Variants in FUT8 observed in about 807,000 individuals in gnomAD.
FUT8 encodes the protein fucosyltransferase 8, also known as alpha-(1,6)-fucosyltransferase.
In FUT8, 29 loss-of-function variants were observed where a neutral mutation model predicts 71.3. The ratio of observed to expected loss-of-function variants is 0.41; its 90% CI spans 0.30 to 0.55. The LOEUF (loss-of-function observed/expected upper bound fraction) is 0.55. FUT8 is among the 20% of genes least tolerant of loss of function. The pLI is 0.34. For synonymous variants in FUT8, 254 were observed against 239.3 expected (o/e 1.06, Z -0.57); for missense variants, 544 against 702.1 (o/e 0.77, Z 2.55).
At chr14:65,422,481 C>T (rs940564567) in intron 1 of FUT8, among the ~76,000 whole-genome samples, 6 of 151,960 alleles carry the variant, frequency 3.9e-5, no homozygotes, top group Middle Eastern at 3.4e-3. Flanking sequence ...CTTGTTTAGG[C>T]GGATATTCTT....
chr14:65,396,756 G>T, the FUT8 span, among the ~76,000 whole-genome samples: 341 of 152,268 alleles, frequency 2.2e-3, 4 homozygotes, highest in African/African-American at 7.9e-3. The surrounding 1 kb of genome is among the most constrained non-coding windows in gnomAD (Gnocchi z 5.5). Context: ...ACTAAATCAG[G>T]GGCTGGATTT....
chr14:65,529,900 A>T (rs933603627), intron 2 of FUT8, among the ~76,000 whole-genome samples: 22 of 152,096 alleles, frequency 1.4e-4, no homozygotes, highest in Admixed American at 4.6e-4. Flanking sequence ...CCAAGGATTC[A>T]TTGAGGACTC....
chr14:65,634,847 G>GT (rs1890456729), intron 6 of FUT8, among the ~76,000 whole-genome samples: 2 of 152,080 alleles, frequency 1.3e-5, no homozygotes, highest in Admixed American at 6.5e-5. Context: ...TTTTAGAATT[G>GT]TTTTTTCTAA....
chr14:65,633,769 A>G (rs1282413330), intron 6 of FUT8, among the ~76,000 whole-genome samples: 1 of 150,782 alleles, frequency 6.6e-6, no homozygotes, highest in Non-Finnish European at 1.5e-5. Context: ...AGAAGTGAGG[A>G]GCCCCTCCGC....
In FUT8 at chr14:65,604,295, T is replaced by A. The variant is rs1056903828; in HGVS notation, c.204-11683T>A. On this transcript the variant is annotated intron_variant, in intron 3 of 10. Coordinates refer to ENST00000673929, the MANE Select transcript of FUT8 (RefSeq NM_001371533.1). ...AACATTCTACCCAGCAACCACAGAG[T>A]ATACATTCTATTCATCAGCGCATGG... is the stretch of plus-strand genomic sequence containing the variant. 2.0e-5 allele frequency among the ~76,000 whole-genome samples: 3 copies of A among 151,860 alleles called. No homozygotes were observed. The South Asian group carries it at 6.3e-4, about 32-fold the overall frequency.
chr14:65,359,306 C>A, the FUT8 span, among the ~76,000 whole-genome samples: 1 of 152,304 alleles, frequency 6.6e-6, no homozygotes, highest in African/African-American at 2.4e-5. Flanking sequence ...AAACAAGGCA[C>A]ATTCATTTTC....
chr14:65,709,666 C>T (rs1317883782), intron 7 of FUT8, among the ~76,000 whole-genome samples: 2 of 152,082 alleles, frequency 1.3e-5, no homozygotes, highest in African/African-American at 2.4e-5. Context: ...GAAATTAATT[C>T]CCTTAGAATG....
intron 1 of FUT8, among the ~76,000 whole-genome samples, chr14:65,439,955 T>TGTAC (rs1555360997): frequency 0.017 from 250 of 15,074 alleles, 14 homozygotes; most frequent in Middle Eastern, 0.031. Flanking sequence ...TGTGTGTGTG[T>TGTAC]ATATATATAT....
At chr14:65,498,727 G>A (rs923329100) in intron 2 of FUT8, among the ~76,000 whole-genome samples, 8 of 152,122 alleles carry the variant, frequency 5.3e-5, no homozygotes, top group African/African-American at 1.4e-4. Context: ...GTCTCTGTCT[G>A]ACTTCTCCTT....
At chr14:65,730,423 C>T (rs1160153485) in intron 9 of FUT8, among the ~76,000 whole-genome samples, 1 of 152,178 alleles carries the variant, frequency 6.6e-6, no homozygotes. Flanking sequence ...ATTGTAATCC[C>T]AGCACTTTGG....
chr14:65,469,655 T>C (rs1000380247), intron 2 of FUT8, among the ~76,000 whole-genome samples: 4 of 152,168 alleles, frequency 2.6e-5, no homozygotes, highest in African/African-American at 9.7e-5. Context: ...AGGCAGGTTG[T>C]CTCATCCAGT....
the FUT8 span, among the ~76,000 whole-genome samples, chr14:65,366,694 G>A: frequency 3.9e-5 from 6 of 152,096 alleles, no homozygotes; most frequent in Admixed American, 2.6e-4. Context: ...CTATAGTGTC[G>A]TATCTTAGAG....
chr14:65,682,496 C>G (rs1266094539), intron 7 of FUT8, among the ~76,000 whole-genome samples: 1 of 151,240 alleles, frequency 6.6e-6, no homozygotes, highest in Non-Finnish European at 1.5e-5. Flanking sequence ...CAGAGCAAGA[C>G]CATGTCTCAG....
Position 65,742,386 on chromosome 14 carries a change from C to T in FUT8, c.1704C>T (p.Pro568=). 1 of 1,611,942 alleles carries T rather than the reference C, an allele frequency of 6.2e-7. No individual in the cohort carries two copies. Among genetic ancestry groups the T allele is most frequent in the African/African-American group, 1.3e-5 (1 of 74,854 alleles). ...AGAAGATAGAAACGGTCAAGTACCCCACATATCCTGAGGCTGAGAAATAAA... is the reference window on the plus strand; with the variant it reads ...AGAAGATAGAAACGGTCAAGTACCCTACATATCCTGAGGCTGAGAAATAAA... ...VREKIETVKY[P]TYPEAEK is the part of the protein sequence containing the mutation. Residue 568 remains proline (P), a synonymous_variant, in exon 11 of 11, where the codon CCC becomes CCT. Coordinates refer to ENST00000673929, the MANE Select transcript of FUT8 (RefSeq NM_001371533.1).
At chr14:65,459,027 G>A (rs557988291) in intron 2 of FUT8, among the ~76,000 whole-genome samples, 2 of 152,058 alleles carry the variant, frequency 1.3e-5, no homozygotes, top group Non-Finnish European at 2.9e-5. Flanking sequence ...TGGCTCAAGC[G>A]GTCTGCCCAC....
At position 65,607,818 on chromosome 14, in the gene FUT8, C is replaced by CTTTG. The variant is rs1265953913; in HGVS notation, c.204-8159_204-8156dup. On this transcript the variant is annotated intron_variant, in intron 3 of 10. Transcript: ENST00000673929. This position sits in a 1 kb window ranked among gnomAD's most constrained non-coding sequence, Gnocchi z 4.1. ...GTAGCTCATGCCTGTAATCCCAGCA[C>CTTTG]TTTGGGAGGCTGAAGTGGGCAGATC... Among the ~76,000 whole-genome samples the CTTTG allele has an allele frequency of 4.0e-5, 6 of 151,760 alleles. No individual in the cohort carries two copies. Among genetic ancestry groups the CTTTG allele is most frequent in the Non-Finnish European group, 8.8e-5 (6 of 67,898 alleles).
chr14:65,606,245 T>G (rs928821107), intron 3 of FUT8, among the ~76,000 whole-genome samples: 3 of 151,032 alleles, frequency 2.0e-5, no homozygotes, highest in African/African-American at 7.3e-5. Context: ...GCTAATTTTT[T>G]TTTTTGTATT....
chr14:65,678,114 A>G (rs748175637), intron 7 of FUT8, among the ~76,000 whole-genome samples: 2 of 152,246 alleles, frequency 1.3e-5, no homozygotes. Flanking sequence ...TATATATTCT[A>G]AATCACCATA....
chr14:65,516,718 TC>T (rs1382828677), intron 2 of FUT8, among the ~76,000 whole-genome samples: 3 of 152,026 alleles, frequency 2.0e-5, no homozygotes, highest in East Asian at 3.9e-4. Flanking sequence ...GTAATATACA[TC>T]CCCCCTTTTT....
Sources: allele counts gnomAD v4.1 joint callset (sites outside exome capture counted in the v4.1 genomes callset), GRCh38; gene constraint gnomAD v4.1.1; non-coding constraint Gnocchi (gnomAD v3.1); transcripts MANE v1.5; gene names NCBI Gene and HGNC (gene_info 2026-07-23, HGNC 2026-07-21).